The following LPP variants were observed in gnomAD, a reference collection of about 807,000 sequenced individuals.
The protein encoded by LPP is LIM domain containing preferred translocation partner in lipoma.
LPP carries 38 observed loss-of-function variants against 60.4 expected under a neutral mutation model. That is an observed-to-expected ratio of 0.63 (90% CI 0.49 to 0.83). LPP has a LOEUF of 0.83. Among genes scored for constraint, LPP ranks in the 40% least tolerant of loss-of-function variants. The probability of loss-of-function intolerance (pLI) is 0.00; values close to 1 mark genes in which losing one functional copy is unlikely to be tolerated. For synonymous variants in LPP, 328 were observed against 290.8 expected, an observed-to-expected ratio of 1.13 and a Z score of -1.30; for missense variants, 902 against 783.6, an observed-to-expected ratio of 1.15 and a Z score of -1.80.
intron 9 of LPP, among the ~76,000 whole-genome samples, chr3:188,785,787 G>T (rs1741663894): frequency 6.6e-6 from 1 of 151,816 alleles, no homozygotes; most frequent in Admixed American, 6.6e-5. Flanking sequence ...TCTCCACATT[G>T]TTTCCATAGG....
At chr3:188,491,014 G>A (rs1038829326) in intron 5 of LPP, among the ~76,000 whole-genome samples, 7 of 152,094 alleles carry the variant, frequency 4.6e-5, no homozygotes, top group African/African-American at 1.7e-4. Context: ...GCCTGCCTCA[G>A]CCTCCCAAGT....
chr3:188,481,866 A>T (rs1436003779), intron 4 of LPP, among the ~76,000 whole-genome samples: 1 of 152,226 alleles, frequency 6.6e-6, no homozygotes, highest in Admixed American at 6.5e-5. Context: ...CTGATGAAGT[A>T]TAAGAGGGGA....
At chr3:188,222,964 C>T (rs1252218239) in intron 1 of LPP, among the ~76,000 whole-genome samples, 1 of 152,060 alleles carries the variant, frequency 6.6e-6, no homozygotes, top group East Asian at 1.9e-4. Context: ...TATTTCATAC[C>T]ATCTTCTTCT....
chr3:188,337,959 T>C (rs1762110083), intron 2 of LPP, among the ~76,000 whole-genome samples: 1 of 152,260 alleles, frequency 6.6e-6, no homozygotes, highest in Admixed American at 6.5e-5. Flanking sequence ...TACTTATATT[T>C]CTGCTCAGAA....
At chr3:188,262,699 C>T (rs1397291500) in intron 2 of LPP, among the ~76,000 whole-genome samples, 1 of 148,534 alleles carries the variant, frequency 6.7e-6, no homozygotes, top group Non-Finnish European at 1.5e-5. Flanking sequence ...TTCTCTCTCT[C>T]CTCTCTCCTC....
intron 6 of LPP, among the ~76,000 whole-genome samples, chr3:188,534,653 G>A (rs188497631): frequency 6.6e-6 from 1 of 152,306 alleles, no homozygotes; most frequent in East Asian, 1.9e-4. Flanking sequence ...CAGCAAATAT[G>A]TAGGATTGTT....
intron 2 of LPP, among the ~76,000 whole-genome samples, chr3:188,241,497 G>A (rs184764986): frequency 6.6e-6 from 1 of 152,122 alleles, no homozygotes; most frequent in African/African-American, 2.4e-5. Flanking sequence ...TTGTTTGAAG[G>A]TTCATTTATG....
chr3:188,495,082 A>ATATATAT (rs1342207321), intron 5 of LPP, among the ~76,000 whole-genome samples: 6 of 97,240 alleles, frequency 6.2e-5, no homozygotes, highest in Middle Eastern at 6.0e-3. Flanking sequence ...ATATATATAT[A>ATATATAT]TTTTATTTAT....
chr3:188,461,492 T>G (rs1469211055), intron 4 of LPP, among the ~76,000 whole-genome samples: 3 of 152,024 alleles, frequency 2.0e-5, no homozygotes, highest in African/African-American at 4.8e-5. Context: ...GTTCAATAAT[T>G]TTTGCAAATT....
At chr3:188,453,265 G>A (rs1796998436) in intron 4 of LPP, among the ~76,000 whole-genome samples, 1 of 152,040 alleles carries the variant, frequency 6.6e-6, no homozygotes, top group Admixed American at 6.6e-5. Context: ...ATGGACTCTG[G>A]AAGCCTTTAT....
intron 5 of LPP, among the ~76,000 whole-genome samples, chr3:188,509,658 C>T (rs1418703362): frequency 3.0e-5 from 1 of 33,730 alleles, no homozygotes; most frequent in African/African-American, 1.1e-4. Flanking sequence ...TCCTTCCTTC[C>T]TTCCTTCCTT....
rs1291162238 is a variant in LPP, at chr3:188,638,521, T to G, written c.1113+28677T>G. On this transcript the variant is annotated intron_variant, in intron 7 of 11. Coordinates refer to ENST00000617246, the MANE Select transcript of LPP (RefSeq NM_001375462.1). ...TGTTGGAAGTTCTGGCCAGGGCAGT[T>G]AGGCAGGAGAAGGAAATAAAGGGTA... Among the ~76,000 whole-genome samples the G allele has an allele frequency of 2.0e-3, 297 of 146,266 alleles. 1 individual carries two copies. Among genetic ancestry groups the G allele is most frequent in the African/African-American group, 7.0e-3 (273 of 39,126 alleles).
At chr3:188,482,711 A>T (rs527875570) in intron 4 of LPP, among the ~76,000 whole-genome samples, 1 of 152,342 alleles carries the variant, frequency 6.6e-6, no homozygotes, top group East Asian at 1.9e-4. Context: ...ATACAGATTT[A>T]TGGGATTTAT....
chr3:188,528,743 C>A (rs968833831), intron 6 of LPP, among the ~76,000 whole-genome samples: 2 of 152,102 alleles, frequency 1.3e-5, no homozygotes. Context: ...TTGAGCACTG[C>A]GTGAGCACAA....
chr3:188,369,028 T>C (rs1267314113), intron 3 of LPP, among the ~76,000 whole-genome samples: 1 of 152,150 alleles, frequency 6.6e-6, no homozygotes, highest in Non-Finnish European at 1.5e-5. Context: ...CATCTCCAAG[T>C]GCTTAAGGGA....
chr3:188,244,217 G>T (rs879407411), intron 2 of LPP, among the ~76,000 whole-genome samples: 1 of 152,216 alleles, frequency 6.6e-6, no homozygotes, highest in Non-Finnish European at 1.5e-5. Context: ...ATTTGGGAGC[G>T]TTTAAAAGCA....
intron 3 of LPP, among the ~76,000 whole-genome samples, chr3:188,371,161 A>G (rs1004902937): frequency 6.6e-5 from 10 of 152,154 alleles, no homozygotes; most frequent in African/African-American, 2.4e-4. Flanking sequence ...ATGGAGGGTT[A>G]CTGGTAACTA....
chr3:188,319,770 T>A (rs546369696), intron 2 of LPP, among the ~76,000 whole-genome samples: 37 of 152,254 alleles, frequency 2.4e-4, no homozygotes, highest in Non-Finnish European at 5.0e-4. Context: ...GAAATTATCA[T>A]TGGTGTAACA....
At chr3:188,290,052 A>G (rs1343047233) in intron 2 of LPP, among the ~76,000 whole-genome samples, 1 of 151,870 alleles carries the variant, frequency 6.6e-6, no homozygotes, top group Non-Finnish European at 1.5e-5. Context: ...GCAGTGGCGC[A>G]ACCTTGGCCT....
Sources: allele counts gnomAD v4.1 joint callset (sites outside exome capture counted in the v4.1 genomes callset), GRCh38; gene constraint gnomAD v4.1.1; transcripts MANE v1.5; gene names NCBI Gene and HGNC (gene_info 2026-07-23, HGNC 2026-07-21).